Variants in COL22A1 observed in about 807,000 individuals in gnomAD.
The protein encoded by COL22A1 is collagen alpha-1(XXII) chain.
Under a neutral mutation model 248.9 loss-of-function variants are expected in COL22A1, and 221 were observed. The observed-to-expected ratio is 0.89, with a 90% CI of 0.80 to 0.99. The LOEUF is 0.99. Ranked by LOEUF, COL22A1 falls within the 50% of genes least tolerant of loss-of-function variation. The pLI, the probability that COL22A1 is intolerant of heterozygous loss-of-function variation, is 0.00. For missense variants in COL22A1, 2,240 were observed against 2,179.0 expected (o/e 1.03, Z -0.56); for synonymous variants, 891 against 793.4 (o/e 1.12, Z -2.07).
intron 1 of COL22A1, among the ~76,000 whole-genome samples, chr8:138,894,588 G>A (rs556682019): frequency 1.7e-4 from 26 of 152,282 alleles, no homozygotes; most frequent in African/African-American, 6.0e-4. Context: ...AGGCAGATGG[G>A]CACTTGAGTC....
At chr8:138,612,786 T>A (rs1417174843) in intron 56 of COL22A1, among the ~76,000 whole-genome samples, 1 of 151,310 alleles carries the variant, frequency 6.6e-6, no homozygotes, top group Non-Finnish European at 1.5e-5. Context: ...AATAAAAAAA[T>A]AATCAGCGGC....
intron 4 of COL22A1, among the ~76,000 whole-genome samples, chr8:138,840,582 G>GA (rs1820808695): frequency 6.6e-6 from 1 of 151,726 alleles, no homozygotes; most frequent in African/African-American, 2.4e-5. Flanking sequence ...TTCCCAGCAA[G>GA]AATCAGTTAT....
chr8:138,728,007 G>A (rs1329982568), intron 23 of COL22A1, among the ~76,000 whole-genome samples: 1 of 152,128 alleles, frequency 6.6e-6, no homozygotes, highest in Non-Finnish European at 1.5e-5. Context: ...ACACTCCAGA[G>A]GCACATTCCA....
chr8:138,610,517 G>T (rs1012662517), intron 56 of COL22A1, among the ~76,000 whole-genome samples: 1 of 152,164 alleles, frequency 6.6e-6, no homozygotes, highest in Non-Finnish European at 1.5e-5. Flanking sequence ...GAAAGAACTC[G>T]GAACTATTCT....
chr8:138,819,753 T>C (rs929364117), intron 7 of COL22A1, among the ~76,000 whole-genome samples: 14 of 149,808 alleles, frequency 9.3e-5, no homozygotes, highest in Non-Finnish European at 1.6e-4. Flanking sequence ...ACAACATATA[T>C]ATATATTCAC....
intron 49 of COL22A1, among the ~76,000 whole-genome samples, chr8:138,632,958 TG>T (rs1384573529): frequency 6.6e-6 from 1 of 152,122 alleles, no homozygotes; most frequent in Non-Finnish European, 1.5e-5. Flanking sequence ...CATATGGGGA[TG>T]GGGTAAGTGT....
chr8:138,865,448 C>CTG (rs779001376), intron 3 of COL22A1, among the ~76,000 whole-genome samples: 3 of 146,886 alleles, frequency 2.0e-5, no homozygotes, highest in African/African-American at 7.6e-5. Flanking sequence ...GTTTGTATGC[C>CTG]TGTGTGTGAG....
At chr8:138,835,089 G>A (rs1018320455) in intron 4 of COL22A1, among the ~76,000 whole-genome samples, 1 of 152,190 alleles carries the variant, frequency 6.6e-6, no homozygotes, top group African/African-American at 2.4e-5. Flanking sequence ...TCTGGCCTGC[G>A]ATGGTCTGGG....
chr8:138,722,548 C>A (rs541559255), intron 25 of COL22A1, among the ~76,000 whole-genome samples: 30 of 152,334 alleles, frequency 2.0e-4, no homozygotes, highest in African/African-American at 7.0e-4. Flanking sequence ...AATCTCTCAG[C>A]ATGGTTTGGC....
intron 1 of COL22A1, among the ~76,000 whole-genome samples, chr8:138,892,818 T>A (rs1825156702): frequency 6.6e-6 from 1 of 152,144 alleles, no homozygotes. Flanking sequence ...CTGGGCAGAG[T>A]TCGAGCTCTG....
rs1814223615 is a variant in COL22A1, at chr8:138,774,526, C to T, written c.1803+1440G>A. Among the ~76,000 whole-genome samples, 3 of 150,732 alleles carry T rather than the reference C, an allele frequency of 2.0e-5. No homozygotes were observed. In the South Asian group the frequency reaches 6.3e-4, roughly 32 times the overall value. ...CTCCGCCTCCCAGGTTCAAGTGATT[C>T]TCCTGCCTCAGCCTCCCGAGTAGCT... On this transcript the variant is annotated intron_variant, in intron 16 of 64. Transcript: ENST00000303045.
At chr8:138,664,469 G>T (rs373790426) in intron 41 of COL22A1, among the ~76,000 whole-genome samples, 1 of 152,064 alleles carries the variant, frequency 6.6e-6, no homozygotes, top group African/African-American at 2.4e-5. Context: ...ACTCTGTCCT[G>T]CCTTTCTGCC....
chr8:138,652,735 GTTTTTTTT>G (rs71316352), intron 45 of COL22A1, among the ~76,000 whole-genome samples: 801 of 54,262 alleles, frequency 0.015, 5 homozygotes, highest in Non-Finnish European at 0.021. Flanking sequence ...TCCTTTTCTG[GTTTTTTTT>G]TTTTTTTTTT....
At chr8:138,746,775 C>T (rs964384784) in intron 22 of COL22A1, among the ~76,000 whole-genome samples, 53 of 152,226 alleles carry the variant, frequency 3.5e-4, no homozygotes, top group African/African-American at 1.2e-3. Flanking sequence ...GTCCTTACCT[C>T]AGCATGCCCT....
chr8:138,591,553 A>AG, intron 63 of COL22A1, 52 bp from the exon 64 acceptor site: 1 of 1,401,822 alleles, frequency 7.1e-7, no homozygotes, highest in African/African-American at 1.5e-5. Context: ...GGGAGGACAG[A>AG]AACTGGGCGT....
At chr8:138,605,505 G>C (rs1382934478) in intron 58 of COL22A1, among the ~76,000 whole-genome samples, 1 of 152,176 alleles carries the variant, frequency 6.6e-6, no homozygotes, top group East Asian at 1.9e-4. Context: ...CAGTGAATGG[G>C]ACCGTGCAAA....
chr8:138,616,092 C>T (rs777219077), intron 54 of COL22A1, 38 bp from the exon 55 acceptor site: 2 of 1,542,966 alleles, frequency 1.3e-6, no homozygotes. Flanking sequence ...GAAGGAGATG[C>T]TTCAGCCACT....
At position 138,843,479 on chromosome 8, in the gene COL22A1, A is replaced by T. The variant is rs542205047; in HGVS notation, c.733+605T>A. ...TGGGAGAGAAGAAAACTTCTTTGCC[A>T]TATGTATTTAAAGTGCTGAGCAGGG... is the stretch of plus-strand genomic sequence containing the variant. On this transcript the variant is annotated intron_variant, in intron 4 of 64. Transcript: ENST00000303045. Among the ~76,000 whole-genome samples, 3 of 152,298 alleles carry T rather than the reference A, an allele frequency of 2.0e-5. No homozygotes were observed. The South Asian group carries it at 6.2e-4, about 32-fold the overall frequency.
At chr8:138,740,104 A>G (rs1831431355) in intron 22 of COL22A1, among the ~76,000 whole-genome samples, 1 of 152,120 alleles carries the variant, frequency 6.6e-6, no homozygotes, top group Non-Finnish European at 1.5e-5. Context: ...GACACCTTCC[A>G]TTTTCTATCT....
Sources: allele counts gnomAD v4.1 joint callset (sites outside exome capture counted in the v4.1 genomes callset), GRCh38; gene constraint gnomAD v4.1.1; transcripts MANE v1.5; gene names NCBI Gene and HGNC (gene_info 2026-07-23, HGNC 2026-07-21).